The following RIN3 variants were observed in gnomAD, a reference collection of about 807,000 sequenced individuals.
RIN3 encodes the protein RAB5 interacting protein 3.
A neutral mutation model predicts 76.3 loss-of-function variants in RIN3; 54 were observed. That is an observed-to-expected ratio of 0.71 (90% CI 0.57 to 0.89). The LOEUF is 0.89. Ranked by LOEUF, RIN3 falls within the 40% of genes least tolerant of loss-of-function variation. RIN3 has a pLI of 0.00. For synonymous variants in RIN3, 576 were observed against 564.0 expected, an observed-to-expected ratio of 1.02 and a Z score of -0.30; for missense variants, 1,256 against 1,322.1, an observed-to-expected ratio of 0.95 and a Z score of 0.78.
intron 3 of RIN3, among the ~76,000 whole-genome samples, chr14:92,590,071 T>C (rs1235863982): frequency 6.6e-6 from 1 of 152,188 alleles, no homozygotes; most frequent in African/African-American, 2.4e-5. Flanking sequence ...CTAGTGGATG[T>C]TCACTGTGGA....
chr14:92,536,660 T>A (rs1897007110), intron 1 of RIN3, among the ~76,000 whole-genome samples: 1 of 151,454 alleles, frequency 6.6e-6, no homozygotes, highest in East Asian at 1.9e-4. Context: ...GAGAATCACT[T>A]GAACCCGGGA....
At chr14:92,607,225 A>T (rs1350533626) in intron 3 of RIN3, among the ~76,000 whole-genome samples, 1 of 152,268 alleles carries the variant, frequency 6.6e-6, no homozygotes, top group Non-Finnish European at 1.5e-5. Context: ...ACCTATTGGA[A>T]TGGTTAAAAT....
rs200001362 is a variant in RIN3, at chr14:92,641,343, G to A, written c.532+14G>A. The stretch of plus-strand genomic sequence containing the variant: ...ACCTGGGTCTGGGTGAGTCTTCTCC[G>A]AGGGGTTAGGGGAGCTGGTGGGGCG... On this transcript the variant is annotated intron_variant, in intron 5 of 9. Coordinates refer to ENST00000216487, the MANE Select transcript of RIN3 (RefSeq NM_024832.5). 1.6e-5 allele frequency: 25 copies of A among 1,600,114 alleles called. No individual in the cohort carries two copies. Among genetic ancestry groups the A allele is most frequent in the Middle Eastern group, 1.7e-4 (1 of 6,056 alleles).
At chr14:92,627,250 C>G (rs1886389966) in intron 4 of RIN3, among the ~76,000 whole-genome samples, 1 of 152,198 alleles carries the variant, frequency 6.6e-6, no homozygotes, top group African/African-American at 2.4e-5. Flanking sequence ...TCCCTTTTCT[C>G]TAGAGGCTCA....
Position 92,677,689 on chromosome 14 carries a change from G to C in RIN3, c.2467+1083G>C, listed in dbSNP as rs967525236. 3.3e-5 allele frequency among the ~76,000 whole-genome samples: 5 copies of C among 152,090 alleles called. No homozygotes were observed. In the South Asian group the frequency reaches 1.0e-3, roughly 32 times the overall value. The stretch of plus-strand genomic sequence containing the variant: ...TCTTCTAGGAAGTCCAGGAATTCAA[G>C]AGAAGCCAAGGTTTCTTCAGCAATG... On this transcript the variant is annotated intron_variant, in intron 8 of 9. Transcript: ENST00000216487.
At chr14:92,645,951 CAAAA>C (rs35439699) in intron 5 of RIN3, among the ~76,000 whole-genome samples, 1 of 139,572 alleles carries the variant, frequency 7.2e-6, no homozygotes, top group Non-Finnish European at 1.6e-5. Flanking sequence ...GACTCTCTCT[CAAAA>C]AAAAAAAAAA....
Position 92,685,390 on chromosome 14 carries a change from C to A in RIN3, c.2631+240C>A. The A allele has an allele frequency of 1.9e-6, 1 of 532,204 alleles. No homozygotes were observed. Among genetic ancestry groups the A allele is most frequent in the Non-Finnish European group, 3.4e-6 (1 of 294,346 alleles). The allele number at this position is 532,204 out of a possible 1,614,324, so 33.0% of individuals were successfully genotyped here. A position where few individuals can be genotyped will look rare whatever the true frequency, so the allele number is the denominator to read the frequency against. On this transcript the variant is annotated intron_variant, in intron 9 of 9. Coordinates refer to ENST00000216487, the MANE Select transcript of RIN3 (RefSeq NM_024832.5). The surrounding 1 kb of genome is among the most constrained non-coding windows in gnomAD (Gnocchi z 4.7). ...GGCATTGGTGTTCTCCCTGGGCAAG[C>A]AGGAAGGGTGCAGGAGGAATGAGAC...
intron 3 of RIN3, 67 bp downstream of exon 3, chr14:92,577,544 C>G: frequency 2.1e-6 from 2 of 954,836 alleles, no homozygotes; most frequent in East Asian, 4.9e-5. Flanking sequence ...GAGGCTGCAC[C>G]TTCTAACCAC....
chr14:92,572,877 CTTTTTTTT>C (rs763771909), intron 2 of RIN3, among the ~76,000 whole-genome samples: 2 of 100,110 alleles, frequency 2.0e-5, no homozygotes, highest in Non-Finnish European at 3.7e-5. Context: ...CTTTTTTTTG[CTTTTTTTT>C]TTTTTTTTTT....
At chr14:92,649,638 A>G (rs1043668754) in intron 5 of RIN3, among the ~76,000 whole-genome samples, 2 of 152,236 alleles carry the variant, frequency 1.3e-5, no homozygotes, top group Admixed American at 1.3e-4. Context: ...TGGAGGAGCC[A>G]TGCGCTGCCC....
At chr14:92,658,007 C>G (rs1301187339) in intron 6 of RIN3, among the ~76,000 whole-genome samples, 1 of 152,194 alleles carries the variant, frequency 6.6e-6, no homozygotes, top group Non-Finnish European at 1.5e-5. Flanking sequence ...AAGACCCATC[C>G]CCTGGAGACA....
At chr14:92,635,847 T>A (rs924514432) in intron 4 of RIN3, among the ~76,000 whole-genome samples, 1 of 152,048 alleles carries the variant, frequency 6.6e-6, no homozygotes, top group Non-Finnish European at 1.5e-5. Flanking sequence ...AGGGCGAGTC[T>A]GTCTCAAAAA....
At chr14:92,611,472 T>G (rs1210427475) in intron 3 of RIN3, among the ~76,000 whole-genome samples, 2 of 152,046 alleles carry the variant, frequency 1.3e-5, no homozygotes, top group African/African-American at 4.8e-5. Flanking sequence ...TGTTGGCCAG[T>G]CTGGTCTCAG....
intron 1 of RIN3, among the ~76,000 whole-genome samples, chr14:92,537,336 A>G (rs1410811051): frequency 6.6e-6 from 1 of 152,114 alleles, no homozygotes; most frequent in Non-Finnish European, 1.5e-5. Flanking sequence ...AGGTATTCTC[A>G]TGATTCTTCT....
chr14:92,603,128 C>G (rs540975419), intron 3 of RIN3, among the ~76,000 whole-genome samples: 1 of 152,322 alleles, frequency 6.6e-6, no homozygotes, highest in East Asian at 1.9e-4. Flanking sequence ...GAGGGATGAT[C>G]TTACACTGAG....
At chr14:92,535,135 T>C (rs1385354192) in intron 1 of RIN3, among the ~76,000 whole-genome samples, 1 of 152,206 alleles carries the variant, frequency 6.6e-6, no homozygotes, top group Non-Finnish European at 1.5e-5. Flanking sequence ...GAGAATCTTT[T>C]CACATGCTCA....
chr14:92,624,979 T>C (rs765632629), intron 4 of RIN3, among the ~76,000 whole-genome samples: 10 of 152,188 alleles, frequency 6.6e-5, no homozygotes, highest in Admixed American at 2.0e-4. Flanking sequence ...CCAGCTCTTA[T>C]TGAGGCCGTA....
At chr14:92,654,184 C>G (rs1887576395) in intron 6 of RIN3, among the ~76,000 whole-genome samples, 1 of 151,988 alleles carries the variant, frequency 6.6e-6, no homozygotes, top group African/African-American at 2.4e-5. Context: ...TGTGGTGGCG[C>G]ATGCCTATAA....
chr14:92,671,522 A>C (rs1006151403), intron 7 of RIN3, among the ~76,000 whole-genome samples: 1 of 152,184 alleles, frequency 6.6e-6, no homozygotes, highest in African/African-American at 2.4e-5. Flanking sequence ...GAGTTGGAGG[A>C]GGCAGATCTT....
Sources: allele counts gnomAD v4.1 joint callset (sites outside exome capture counted in the v4.1 genomes callset), GRCh38; gene constraint gnomAD v4.1.1; non-coding constraint Gnocchi (gnomAD v3.1); transcripts MANE v1.5; gene names NCBI Gene and HGNC (gene_info 2026-07-23, HGNC 2026-07-21).